Variants in FRMD5 observed in about 807,000 individuals in gnomAD.
The protein encoded by FRMD5 is FERM domain-containing protein 5.
A neutral mutation model predicts 69.0 loss-of-function variants in FRMD5; 20 were observed. The ratio of observed to expected loss-of-function variants is 0.29; its 90% confidence interval spans 0.20 to 0.42. FRMD5 has a LOEUF of 0.42. Ranked by LOEUF, FRMD5 falls within the 10% of genes least tolerant of loss-of-function variation. The pLI, the probability that FRMD5 is intolerant of heterozygous loss-of-function variation, is 1.00. For synonymous variants in FRMD5, 271 were observed against 260.1 expected (o/e 1.04, Z -0.40); for missense variants, 595 against 708.6 (o/e 0.84, Z 1.82).
At chr15:44,012,328 A>G (rs1417999189) in intron 1 of FRMD5, among the ~76,000 whole-genome samples, 1 of 152,030 alleles carries the variant, frequency 6.6e-6, no homozygotes, top group African/African-American at 2.4e-5. Flanking sequence ...TTTTCTAAAC[A>G]CTCTGCAGAT....
chr15:44,017,729 C>T (rs1891033556), intron 1 of FRMD5, among the ~76,000 whole-genome samples: 1 of 151,780 alleles, frequency 6.6e-6, no homozygotes, highest in African/African-American at 2.4e-5. Context: ...ACTCAGCCTC[C>T]CAAGTAGCTG....
chr15:43,977,886 A>G (rs925943695), intron 1 of FRMD5, among the ~76,000 whole-genome samples: 2 of 152,132 alleles, frequency 1.3e-5, no homozygotes, highest in African/African-American at 2.4e-5. Flanking sequence ...AACCTCGCCC[A>G]TACCTTTAAC....
At position 43,875,804 on chromosome 15, in the gene FRMD5, G is replaced by GTTTTTTTTT. The variant is rs34063043; in HGVS notation, c.1136-1351_1136-1343dup. 594 of 210,556 alleles carry GTTTTTTTTT rather than the reference G, an allele frequency of 2.8e-3. 13 individuals carry two copies. Among genetic ancestry groups the GTTTTTTTTT allele is most frequent in the African/African-American group, 6.8e-3 (143 of 20,952 alleles). 13.0% of individuals were successfully genotyped at this position (210,556 alleles called of 1,614,324 possible). A position where few individuals can be genotyped will look rare whatever the true frequency, so the allele number is the denominator to read the frequency against. On this transcript the variant is annotated intron_variant, in intron 13 of 13. Transcript: ENST00000417257. ...TCTTGCCTTTGGTGTCCTGGGCCTAGTTTTTTTTTTTTTTTTTTTTTTTCT... is the reference window on the plus strand; with the variant it reads ...TCTTGCCTTTGGTGTCCTGGGCCTAGTTTTTTTTTTTTTTTTTTTTTTTTTTTTTTTTCT...
chr15:43,958,711 G>A (rs1181147201), intron 1 of FRMD5, among the ~76,000 whole-genome samples: 1 of 152,212 alleles, frequency 6.6e-6, no homozygotes, highest in Non-Finnish European at 1.5e-5. Flanking sequence ...GCCTCTCAAA[G>A]TTCTGGGGTT....
At chr15:43,903,059 G>A (rs1306928604) in intron 6 of FRMD5, among the ~76,000 whole-genome samples, 2 of 152,208 alleles carry the variant, frequency 1.3e-5, no homozygotes, top group African/African-American at 2.4e-5. Context: ...GATCAGCTCC[G>A]GCTCCAGGCC....
intron 4 of FRMD5, among the ~76,000 whole-genome samples, chr15:43,911,437 T>G (rs552008705): frequency 8.1e-4 from 123 of 152,340 alleles, no homozygotes; most frequent in Non-Finnish European, 1.5e-4. Flanking sequence ...CTGGGGCCTT[T>G]GCCAACAGCC....
chr15:44,027,367 A>G (rs1243780719), intron 1 of FRMD5, among the ~76,000 whole-genome samples: 5 of 152,228 alleles, frequency 3.3e-5, no homozygotes, highest in African/African-American at 1.2e-4. Context: ...AATATTTTCC[A>G]TATTTAGTTC....
At chr15:44,142,345 A>G (rs1441833569) in intron 1 of FRMD5, among the ~76,000 whole-genome samples, 1 of 152,186 alleles carries the variant, frequency 6.6e-6, no homozygotes, top group African/African-American at 2.4e-5. Flanking sequence ...CTTTTCAAAG[A>G]AGTGAGATAG....
At chr15:43,948,666 T>A in intron 1 of FRMD5, among the ~76,000 whole-genome samples, 1 of 152,216 alleles carries the variant, frequency 6.6e-6, no homozygotes, top group East Asian at 1.9e-4. Context: ...ACTCCCTCAC[T>A]CTATATAAGA....
chr15:43,875,182 G>A (rs970676873), intron 13 of FRMD5, among the ~76,000 whole-genome samples: 1 of 151,850 alleles, frequency 6.6e-6, no homozygotes, highest in Non-Finnish European at 1.5e-5. Flanking sequence ...GGGTGACAGA[G>A]CAAGACTCTG....
At chr15:43,980,269 C>A (rs1206941795) in intron 1 of FRMD5, among the ~76,000 whole-genome samples, 1 of 152,148 alleles carries the variant, frequency 6.6e-6, no homozygotes, top group East Asian at 1.9e-4. Flanking sequence ...ACTATGCCAG[C>A]TTTTCTAATA....
At chr15:44,005,864 A>G (rs1025723107) in intron 1 of FRMD5, among the ~76,000 whole-genome samples, 4 of 152,200 alleles carry the variant, frequency 2.6e-5, no homozygotes, top group African/African-American at 4.8e-5. Context: ...GGGCAGGGAC[A>G]CACATTCAAA....
chr15:44,120,817 C>T (rs974030698), intron 1 of FRMD5, among the ~76,000 whole-genome samples: 4 of 151,944 alleles, frequency 2.6e-5, no homozygotes, highest in Admixed American at 1.3e-4. Flanking sequence ...CGTGAGCCAC[C>T]GTGCCCAGCC....
At chr15:44,075,745 T>C (rs1276368103) in intron 1 of FRMD5, among the ~76,000 whole-genome samples, 1 of 152,084 alleles carries the variant, frequency 6.6e-6, no homozygotes, top group Non-Finnish European at 1.5e-5. Context: ...CAAAAAACTA[T>C]CCAAATTCAA....
At chr15:43,895,930 G>A (rs1418645035) in intron 7 of FRMD5, among the ~76,000 whole-genome samples, 1 of 152,234 alleles carries the variant, frequency 6.6e-6, no homozygotes, top group African/African-American at 2.4e-5. Context: ...GTTGGAGTTT[G>A]TGTGCAAAAT....
chr15:43,956,121 T>G (rs987852184), intron 1 of FRMD5, among the ~76,000 whole-genome samples: 4 of 152,206 alleles, frequency 2.6e-5, no homozygotes, highest in Non-Finnish European at 5.9e-5. Flanking sequence ...ATGCTTGGTT[T>G]TCTCTAATCT....
intron 1 of FRMD5, among the ~76,000 whole-genome samples, chr15:43,959,212 T>A (rs2090160126): frequency 6.6e-6 from 1 of 152,208 alleles, no homozygotes; most frequent in Admixed American, 6.5e-5. Context: ...AAACATTCTT[T>A]GATGAGTCAC....
chr15:44,134,701 C>T (rs1384154518), intron 1 of FRMD5, among the ~76,000 whole-genome samples: 2 of 152,192 alleles, frequency 1.3e-5, no homozygotes, highest in Admixed American at 6.5e-5. Flanking sequence ...CCACCCTCCT[C>T]GGCCTCTCAA....
intron 1 of FRMD5, among the ~76,000 whole-genome samples, chr15:44,034,217 T>C (rs1252843590): frequency 6.6e-6 from 1 of 152,250 alleles, no homozygotes; most frequent in Non-Finnish European, 1.5e-5. Context: ...TAATTGAATG[T>C]TGTCTACTTG....
Sources: allele counts gnomAD v4.1 joint callset (sites outside exome capture counted in the v4.1 genomes callset), GRCh38; gene constraint gnomAD v4.1.1; transcripts MANE v1.5; gene names NCBI Gene and HGNC (gene_info 2026-07-23, HGNC 2026-07-21).